TBC1D12: variants seen among roughly 807,000 people sequenced by gnomAD.
TBC1D12 encodes TBC1 domain family member 12.
Under a neutral mutation model 86.7 loss-of-function variants are expected in TBC1D12, and 56 were observed. That is an observed-to-expected ratio of 0.65 (90% CI 0.52 to 0.81). The LOEUF (loss-of-function observed/expected upper bound fraction) is 0.81, where lower values mean the gene tolerates loss of function less well. Among genes scored for constraint, TBC1D12 ranks in the 30% least tolerant of loss-of-function variants. TBC1D12 has a pLI of 0.00. For missense variants in TBC1D12, 1,023 were observed against 1,038.8 expected, an observed-to-expected ratio of 0.98 and a Z score of 0.21; for synonymous variants, 421 against 411.7, an observed-to-expected ratio of 1.02 and a Z score of -0.27.
intron 2 of TBC1D12, among the ~76,000 whole-genome samples, chr10:94,443,739 G>A (rs142431156): frequency 6.6e-6 from 1 of 152,176 alleles, no homozygotes; most frequent in Non-Finnish European, 1.5e-5. Context: ...TGAGGTTGCT[G>A]TGATAAAAAC....
intron 3 of TBC1D12, among the ~76,000 whole-genome samples, chr10:94,475,473 C>A (rs772913810): frequency 6.6e-6 from 1 of 152,066 alleles, no homozygotes; most frequent in Non-Finnish European, 1.5e-5. Context: ...CTCAGTCACC[C>A]AGGCTGGAGT....
chr10:94,475,205 T>C (rs538501485), intron 3 of TBC1D12, among the ~76,000 whole-genome samples: 2 of 152,350 alleles, frequency 1.3e-5, no homozygotes, highest in African/African-American at 4.8e-5. Context: ...TCCTCCATCT[T>C]AACATGATAG....
chr10:94,491,155 A>G (rs1188468479), intron 3 of TBC1D12, among the ~76,000 whole-genome samples: 2 of 152,202 alleles, frequency 1.3e-5, no homozygotes, highest in South Asian at 2.1e-4. Context: ...TGGAAACTAT[A>G]GTTTAATATA....
At chr10:94,462,247 G>A (rs567147122) in intron 2 of TBC1D12, among the ~76,000 whole-genome samples, 1 of 152,264 alleles carries the variant, frequency 6.6e-6, no homozygotes, top group South Asian at 2.1e-4. Context: ...GAATTTACCA[G>A]TGAAATAATT....
chr10:94,449,269 A>C (rs75107682), intron 2 of TBC1D12, among the ~76,000 whole-genome samples: 1 of 152,166 alleles, frequency 6.6e-6, no homozygotes, highest in Non-Finnish European at 1.5e-5. Context: ...AGACTTGTAT[A>C]TTATAGCAGG....
chr10:94,485,242 T>C (rs1371528656), intron 3 of TBC1D12, among the ~76,000 whole-genome samples: 2 of 152,196 alleles, frequency 1.3e-5, no homozygotes, highest in African/African-American at 4.8e-5. Context: ...TATATGGCTT[T>C]TATTATTTTG....
chr10:94,412,863 C>T (rs2054944385), intron 1 of TBC1D12, among the ~76,000 whole-genome samples: 1 of 152,206 alleles, frequency 6.6e-6, no homozygotes, highest in Non-Finnish European at 1.5e-5. Context: ...GACCCTACTA[C>T]AGTGATTCTT....
rs1435086698 is a variant in TBC1D12, at chr10:94,410,555, G to A, written c.971+6971G>A. Among the ~76,000 whole-genome samples, 4 of 151,790 alleles carry A rather than the reference G, an allele frequency of 2.6e-5. No individual in the cohort carries two copies. In the East Asian group the frequency reaches 7.7e-4, roughly 29 times the overall value. ...CGTGCCCAGCCACAGTTTTTTTTTG[G>A]TTGTTGTTCTTGACATATTACTGTG... On this transcript the variant is annotated intron_variant, in intron 1 of 12. Transcript: ENST00000225235.
At chr10:94,474,828 GTTAAAT>G in intron 3 of TBC1D12, 45 bp downstream of exon 3, 1 of 1,508,656 alleles carries the variant, frequency 6.6e-7, no homozygotes, top group Non-Finnish European at 9.1e-7. Context: ...ATATTTTAAA[GTTAAAT>G]TTAATTTTGT....
intron 11 of TBC1D12, 63 bp downstream of exon 11, chr10:94,522,516 T>G: frequency 1.4e-6 from 1 of 718,902 alleles, no homozygotes; most frequent in Non-Finnish European, 2.2e-6. Flanking sequence ...TTTTTGTGTG[T>G]TTTAGGAACT....
chr10:94,521,092 T>C (rs1247712230), intron 9 of TBC1D12, among the ~76,000 whole-genome samples: 1 of 151,510 alleles, frequency 6.6e-6, no homozygotes, highest in African/African-American at 2.4e-5. Context: ...ACACCCATAG[T>C]CTCAGCTACT....
At chr10:94,510,807 A>AG (rs1157452769) in intron 8 of TBC1D12, among the ~76,000 whole-genome samples, 3 of 152,130 alleles carry the variant, frequency 2.0e-5, no homozygotes, top group African/African-American at 7.2e-5. Context: ...CACCACACCC[A>AG]GCTGATTCAA....
At chr10:94,490,051 C>A (rs1387504912) in intron 3 of TBC1D12, among the ~76,000 whole-genome samples, 2 of 152,114 alleles carry the variant, frequency 1.3e-5, no homozygotes, top group African/African-American at 4.8e-5. Flanking sequence ...AGTTTGAGAC[C>A]AGCCTGACTA....
chr10:94,452,281 C>A (rs1228908852), intron 2 of TBC1D12, among the ~76,000 whole-genome samples: 1 of 152,028 alleles, frequency 6.6e-6, no homozygotes, highest in African/African-American at 2.4e-5. Flanking sequence ...AATGAACTTA[C>A]ATTGACACAC....
chr10:94,497,227 C>CTTT (rs557817813), intron 5 of TBC1D12, 55 bp downstream of exon 5: 7 of 757,258 alleles, frequency 9.2e-6, no homozygotes, highest in African/African-American at 2.0e-5. Flanking sequence ...TCTCATGTTT[C>CTTT]TTTTTTTTTT....
intron 9 of TBC1D12, among the ~76,000 whole-genome samples, chr10:94,520,684 G>A (rs1195661338): frequency 1.3e-5 from 2 of 151,660 alleles, no homozygotes; most frequent in Admixed American, 6.6e-5. Context: ...TTTTGAGACC[G>A]AGTCTCGCTC....
intron 3 of TBC1D12, among the ~76,000 whole-genome samples, chr10:94,479,766 T>C (rs548719670): frequency 6.6e-6 from 1 of 152,198 alleles, no homozygotes; most frequent in Admixed American, 6.5e-5. Context: ...AGCACCATCA[T>C]TGATTTATTG....
chr10:94,429,370 A>G (rs2134072426), intron 1 of TBC1D12, among the ~76,000 whole-genome samples: 1 of 152,316 alleles, frequency 6.6e-6, no homozygotes. Flanking sequence ...TTGGAATTAA[A>G]AAAGCCTAAG....
At chr10:94,459,738 T>C (rs1045108520) in intron 2 of TBC1D12, among the ~76,000 whole-genome samples, 1 of 152,130 alleles carries the variant, frequency 6.6e-6, no homozygotes, top group African/African-American at 2.4e-5. Context: ...GCTGCTGGCC[T>C]GGGTGCTAAG....
Sources: allele counts gnomAD v4.1 joint callset (sites outside exome capture counted in the v4.1 genomes callset), GRCh38; gene constraint gnomAD v4.1.1; transcripts MANE v1.5; gene names NCBI Gene and HGNC (gene_info 2026-07-23, HGNC 2026-07-21).